The following ZNF334 variants were observed in gnomAD, a reference collection of about 807,000 sequenced individuals.
ZNF334 encodes zinc finger protein 334.
A neutral mutation model predicts 12.4 loss-of-function variants in ZNF334; 14 were observed. The observed-to-expected ratio is 1.13, with a 90% CI of 0.74 to 1.76. The LOEUF is 1.76. ZNF334 is among the 40% of genes most tolerant of loss of function. The pLI is 0.00. For missense variants in ZNF334, 797 were observed against 804.5 expected, an observed-to-expected ratio of 0.99 and a Z score of 0.11; for synonymous variants, 273 against 269.6, an observed-to-expected ratio of 1.01 and a Z score of -0.12.
At chr20:46,508,076 GA>G (rs2061500633) in intron 2 of ZNF334, among the ~76,000 whole-genome samples, 5 of 152,332 alleles carry the variant, frequency 3.3e-5, no homozygotes. Flanking sequence ...TAAGAACAGT[GA>G]AATGTGTTCA....
At chr20:46,490,225 G>C in the ZNF334 span, among the ~76,000 whole-genome samples, 1 of 152,104 alleles carries the variant, frequency 6.6e-6, no homozygotes, top group Non-Finnish European at 1.5e-5. Context: ...AATTAACAAA[G>C]ATGTAGATTT....
chr20:46,486,316 A>C, the ZNF334 span, among the ~76,000 whole-genome samples: 1 of 152,230 alleles, frequency 6.6e-6, no homozygotes, highest in African/African-American at 2.4e-5. Context: ...TGGGAGGCTG[A>C]GGCAGGAGAA....
chr20:46,477,901 C>T, the ZNF334 span, among the ~76,000 whole-genome samples: 149 of 152,298 alleles, frequency 9.8e-4, 1 homozygote, highest in African/African-American at 3.3e-3. Flanking sequence ...AAATATCTTT[C>T]GGTATAACTG....
intron 2 of ZNF334, among the ~76,000 whole-genome samples, chr20:46,508,754 A>C (rs185224717): frequency 7.9e-5 from 12 of 152,356 alleles, no homozygotes. Context: ...CTCCTACAGG[A>C]AAGAAATGTC....
chr20:46,493,695 G>A, the ZNF334 span, among the ~76,000 whole-genome samples: 3 of 152,350 alleles, frequency 2.0e-5, no homozygotes, highest in Non-Finnish European at 4.4e-5. Context: ...TGTGGAAAGG[G>A]TTGTGGGAAA....
the ZNF334 span, among the ~76,000 whole-genome samples, chr20:46,482,567 G>T: frequency 1.3e-5 from 2 of 152,126 alleles, no homozygotes; most frequent in Non-Finnish European, 2.9e-5. Flanking sequence ...CAATGCAGAT[G>T]AATAATTTTT....
At chr20:46,512,245 G>A (rs562360986) in intron 1 of ZNF334, 105 bp from the exon 2 acceptor site, 3 of 766,926 alleles carry the variant, frequency 3.9e-6, no homozygotes, top group Admixed American at 4.7e-5. Flanking sequence ...ATGGCCCTTT[G>A]ACCAGTCTGG....
chr20:46,503,948 A>G (rs2061340080), intron 4 of ZNF334, among the ~76,000 whole-genome samples: 1 of 152,234 alleles, frequency 6.6e-6, no homozygotes, highest in Non-Finnish European at 1.5e-5. Flanking sequence ...TGCTACAGAA[A>G]TAAAGTTTAA....
chr20:46,491,522 A>G, the ZNF334 span: 40 of 153,080 alleles, frequency 2.6e-4, no homozygotes, highest in Non-Finnish European at 4.8e-4. Context: ...CTTTAAAAGC[A>G]TCTCAAATCT....
At chr20:46,510,251 T>A (rs2061595546) in intron 2 of ZNF334, among the ~76,000 whole-genome samples, 1 of 151,434 alleles carries the variant, frequency 6.6e-6, no homozygotes, top group Non-Finnish European at 1.5e-5. Context: ...AGCCTTGAGG[T>A]GGGAAGAGGA....
At chr20:46,476,610 T>C in the ZNF334 span, among the ~76,000 whole-genome samples, 63 of 152,232 alleles carry the variant, frequency 4.1e-4, no homozygotes, top group Non-Finnish European at 4.6e-4. Flanking sequence ...AGAAGTTAGA[T>C]TTAATGTCTT....
chr20:46,508,657 C>T (rs961282363), intron 2 of ZNF334, among the ~76,000 whole-genome samples: 1 of 152,156 alleles, frequency 6.6e-6, no homozygotes, highest in African/African-American at 2.4e-5. Flanking sequence ...ACATTTTTGC[C>T]TGTCAGGGTT....
the ZNF334 span, among the ~76,000 whole-genome samples, chr20:46,479,389 A>C: frequency 2.0e-5 from 3 of 152,324 alleles, no homozygotes; most frequent in South Asian, 2.1e-4. Flanking sequence ...GAAACCTGAA[A>C]AATGAAATTC....
Position 46,502,843 on chromosome 20 carries a change from T to C in ZNF334, c.496A>G (p.Ser166Gly), listed in dbSNP as rs1359979393. ...KENRKIPDGYSGFGKHEKSHL... is the reference protein window; with the variant it reads ...KENRKIPDGYGGFGKHEKSHL... ...CTTTTCTCATGCTTCCCAAATCCAC[T>C]GTATCCATCAGGAATCTTTCTGTTT... The change falls in exon 5 of 5, where the codon AGT (serine) becomes GGT (glycine). Residue 166 changes from serine (S) to glycine (G), a missense_variant. Coordinates refer to ENST00000692313, the MANE Select transcript of ZNF334 (RefSeq NM_001353824.2). The C allele has an allele frequency of 2.5e-6, 4 of 1,613,912 alleles. No individual in the cohort carries two copies. The South Asian group carries it at 4.4e-5, about 18-fold the overall frequency.
At chr20:46,472,972 G>C in the ZNF334 span, among the ~76,000 whole-genome samples, 3 of 152,152 alleles carry the variant, frequency 2.0e-5, no homozygotes, top group East Asian at 5.8e-4. Flanking sequence ...AGAGAAGTCG[G>C]GGTTGACACC....
At chr20:46,465,048 G>C in the ZNF334 span, 2 of 331,816 alleles carry the variant, frequency 6.0e-6, no homozygotes, top group Admixed American at 7.1e-5. Context: ...TGGACTGTCA[G>C]AGAGGGAATG....
chr20:46,473,574 C>A, the ZNF334 span, among the ~76,000 whole-genome samples: 1 of 152,132 alleles, frequency 6.6e-6, no homozygotes, highest in Non-Finnish European at 1.5e-5. Flanking sequence ...GATAACAATC[C>A]CATTCAAGAT....
the ZNF334 span, among the ~76,000 whole-genome samples, chr20:46,466,025 G>C: frequency 6.6e-6 from 1 of 152,208 alleles, no homozygotes; most frequent in East Asian, 1.9e-4. Flanking sequence ...TAGGAAACTA[G>C]AGGTGTTGAT....
rs142810617 is a variant in ZNF334 at position 46,501,814 on chromosome 20, T to C, written c.1525A>G (p.Arg509Gly). The C allele has an allele frequency of 1.3e-4, 212 of 1,614,160 alleles. 2 individuals carry two copies. The African/African-American group carries it at 2.5e-3, about 19-fold the overall frequency. ...IVKSNCSQCK[R>G]MNTKENLYEC... ...TAAAGATTCTCCTTTGTGTTCATTC[T>C]CTTACACTGACTGCAGTTTGACTTC... Residue 509 changes from arginine to glycine, a missense_variant, in exon 5 of 5, where the codon AGA becomes GGA. Arg to Gly is a moderately radical substitution (Grantham distance 125). Transcript: ENST00000692313.
Sources: gnomAD v4.1 joint callset for allele counts (sites outside exome capture counted in the v4.1 genomes callset) on GRCh38, gnomAD v4.1.1 for gene constraint, MANE v1.5 for transcripts, NCBI Gene and HGNC (gene_info 2026-07-23, HGNC 2026-07-21) for gene names.